The following UBN2 variants were observed in gnomAD, a reference collection of about 807,000 sequenced individuals.
The protein encoded by UBN2 is ubinuclein 2.
Under a neutral mutation model 120.2 loss-of-function variants are expected in UBN2, and 35 were observed. The observed-to-expected ratio is 0.29, with a 90% confidence interval of 0.22 to 0.39. The LOEUF (loss-of-function observed/expected upper bound fraction) is 0.39, where lower values mean the gene tolerates loss of function less well. Among genes scored for constraint, UBN2 ranks in the 10% least tolerant of loss-of-function variants. The pLI is 1.00. For synonymous variants in UBN2, 661 were observed against 648.7 expected, an observed-to-expected ratio of 1.02 and a Z score of -0.29; for missense variants, 1,693 against 1,663.2, an observed-to-expected ratio of 1.02 and a Z score of -0.31.
downstream of UBN2, among the ~76,000 whole-genome samples, chr7:139,311,353 G>C (rs1798444780): frequency 6.6e-6 from 1 of 152,164 alleles, no homozygotes; most frequent in African/African-American, 2.4e-5. Context: ...CTGTGTCTCT[G>C]TTGTCTCTGT....
At chr7:139,237,229 T>G (rs1796188761) in intron 2 of UBN2, 132 bp downstream of exon 2, 1 of 484,486 alleles carries the variant, frequency 2.1e-6, no homozygotes, top group Non-Finnish European at 3.8e-6. Context: ...ACCAAATGAA[T>G]GGTTAGACAG....
At chr7:139,241,186 A>G (rs979738927) in intron 2 of UBN2, among the ~76,000 whole-genome samples, 1 of 152,212 alleles carries the variant, frequency 6.6e-6, no homozygotes, top group Non-Finnish European at 1.5e-5. Context: ...TCTAGGACAT[A>G]GGATAACCTA....
At chr7:139,320,055 G>A in the UBN2 span, among the ~76,000 whole-genome samples, 2 of 150,156 alleles carry the variant, frequency 1.3e-5, no homozygotes, top group Admixed American at 1.3e-4. Context: ...CAGCCTGGGT[G>A]ACAGAGCGAG....
chr7:139,267,489 T>C (rs1477081153), intron 7 of UBN2, among the ~76,000 whole-genome samples: 4 of 151,128 alleles, frequency 2.6e-5, no homozygotes, highest in African/African-American at 9.8e-5. Flanking sequence ...TGAACTGTGT[T>C]CATGCCACTG....
At chr7:139,326,256 A>AAAACAAAC in the UBN2 span, among the ~76,000 whole-genome samples, 57 of 151,662 alleles carry the variant, frequency 3.8e-4, 1 homozygote, top group East Asian at 2.9e-3. Flanking sequence ...ACTCTGTCTC[A>AAAACAAAC]AAACAAACAA....
chr7:139,296,686 A>G (rs1798117925), intron 17 of UBN2, among the ~76,000 whole-genome samples: 1 of 152,186 alleles, frequency 6.6e-6, no homozygotes, highest in Non-Finnish European at 1.5e-5. Flanking sequence ...TAAATGAAGT[A>G]ATCAACATTT....
chr7:139,261,443 G>C lies in UBN2; in HGVS notation c.1097G>C (p.Gly366Ala). 1 of 1,614,190 alleles carries C rather than the reference G, an allele frequency of 6.2e-7. No individual in the cohort carries two copies. Among genetic ancestry groups the C allele is most frequent in the Non-Finnish European group, 8.5e-7 (1 of 1,180,032 alleles). ...NKPPCAAAALGNDVPDLNLSS... is the reference protein window; with the variant it reads ...NKPPCAAAALANDVPDLNLSS... ...CCCCCATGTGCTGCTGCAGCACTGG[G>C]GAATGACGTCCCGGACTTAAATCTG... is the stretch of plus-strand genomic sequence containing the variant. Residue 366 changes from glycine to alanine, a missense_variant, in exon 6 of 18, where the codon GGG becomes GCG. Transcript: ENST00000473989.
At position 139,304,767 on chromosome 7, in the gene UBN2, TGCTTTTTCCA is replaced by T. The variant is rs776490121; in HGVS notation, c.*6933_*6942del. 1.3e-4 allele frequency: 19 copies of T among 146,788 alleles called. No individual in the cohort carries two copies. Among genetic ancestry groups the T allele is most frequent in the Non-Finnish European group, 2.4e-4 (16 of 67,370 alleles). 9.1% of individuals were successfully genotyped at this position (146,788 alleles called of 1,614,324 possible). On this transcript the variant is annotated 3_prime_UTR_variant, in exon 18 of 18. Transcript: ENST00000473989. ...TGTAAGTCACTTTTTGGATTTTTGT[TGCTTTTTCCA>T]GATAAGGCCTTAGTAGCCTCTAAAT...
chr7:139,273,563 A>G (rs1383346905), intron 10 of UBN2, among the ~76,000 whole-genome samples, 153 bp downstream of exon 10: 1 of 152,240 alleles, frequency 6.6e-6, no homozygotes, highest in Non-Finnish European at 1.5e-5. Context: ...ATTGGGCTCT[A>G]ATATCCTCAG....
At chr7:139,328,837 A>G in the UBN2 span, among the ~76,000 whole-genome samples, 1 of 150,778 alleles carries the variant, frequency 6.6e-6, no homozygotes, top group African/African-American at 2.5e-5. Flanking sequence ...GCACTCCACA[A>G]CAGACTGAGA....
At chr7:139,324,563 A>AAAAG in the UBN2 span, among the ~76,000 whole-genome samples, 1 of 151,072 alleles carries the variant, frequency 6.6e-6, no homozygotes, top group Non-Finnish European at 1.5e-5. Flanking sequence ...CTCAAAAAAA[A>AAAAG]AAAAAAAAAA....
At position 139,235,615 on chromosome 7, in the gene UBN2, T is replaced by C. The variant is rs185561087; in HGVS notation, c.469-1390T>C. ...AGAGACGGGGTTTCACCATGTTGGC[T>C]AGCCTGGTCTTGAACTCTTGACCTC... On this transcript the variant is annotated intron_variant, in intron 1 of 17. Transcript: ENST00000473989. Among the ~76,000 whole-genome samples, 78 of 152,184 alleles carry C rather than the reference T, an allele frequency of 5.1e-4. 1 individual carries two copies. The East Asian group carries it at 0.01, about 20-fold the overall frequency.
At chr7:139,273,808 C>A in intron 10 of UBN2, 123 bp from the exon 11 acceptor site, 2 of 776,184 alleles carry the variant, frequency 2.6e-6, no homozygotes, top group Non-Finnish European at 3.8e-6. Context: ...GACTGTGGTG[C>A]AATGAATGAT....
intron 2 of UBN2, among the ~76,000 whole-genome samples, chr7:139,250,056 T>G (rs1796581357): frequency 6.6e-6 from 1 of 152,116 alleles, no homozygotes; most frequent in Middle Eastern, 3.4e-3. Flanking sequence ...AAAAATATCA[T>G]GGGACAGGGA....
At position 139,293,988 on chromosome 7, in the gene UBN2, A is replaced by C. The variant is rs771981221; in HGVS notation, c.3994+7A>C. 61 of 1,613,118 alleles carry C rather than the reference A, an allele frequency of 3.8e-5. No homozygotes were observed. The highest frequency in any genetic ancestry group is 5.1e-5 in the Non-Finnish European group (60 of 1,179,256). On this transcript the variant is annotated splice_region_variant and intron_variant, in intron 17 of 17. Transcript: ENST00000473989. ...TTACAGCAAGCATTTCACGGTGAGA[A>C]CGCCACCTCCTTCATCTCTTTCTTA...
At position 139,266,420 on chromosome 7, in the gene UBN2, A is replaced by T. The variant is rs1026273591; in HGVS notation, c.1466+17A>T. The T allele has an allele frequency of 1.2e-5, 12 of 976,612 alleles. No homozygotes were observed. The highest frequency in any genetic ancestry group is 2.5e-4 in the Middle Eastern group (1 of 4,048). The allele number at this position is 976,612 out of a possible 1,614,324, so 60.5% of individuals were successfully genotyped here. On this transcript the variant is annotated intron_variant, in intron 7 of 17. Transcript: ENST00000473989. Reference sequence around the variant, plus strand: ...TCTTCTGGAGTAAGTAATTTTCTTTAAAAAAAAAAACCTTAAGAATGATAC... The same window carrying T: ...TCTTCTGGAGTAAGTAATTTTCTTTTAAAAAAAAAACCTTAAGAATGATAC...
intron 3 of UBN2, among the ~76,000 whole-genome samples, chr7:139,254,518 T>G (rs1796708034): frequency 6.6e-6 from 1 of 152,224 alleles, no homozygotes; most frequent in Non-Finnish European, 1.5e-5. Flanking sequence ...TTAATTCAGT[T>G]TCTAATTTGC....
chr7:139,293,404 C>G lies in UBN2; in HGVS notation c.3842C>G (p.Ala1281Gly), dbSNP rs1482968825. 1 of 1,614,134 alleles carries G rather than the reference C, an allele frequency of 6.2e-7. No individual in the cohort carries two copies. Among genetic ancestry groups the G allele is most frequent in the Non-Finnish European group, 8.5e-7 (1 of 1,180,000 alleles). Residue 1281 changes from alanine to glycine, a missense_variant, in exon 16 of 18, where the codon GCT (alanine) becomes GGT (glycine). Transcript: ENST00000473989. ...LEIFGFGTDT[A>G]GVTTTSGSTS... Reference sequence around the variant, plus strand: ...ATATTTGGCTTTGGAACGGACACAGCTGGAGTGACAACCACCTCGGGATCT... The same window carrying G: ...ATATTTGGCTTTGGAACGGACACAGGTGGAGTGACAACCACCTCGGGATCT...
At chr7:139,271,652 A>G (rs1372382959) in intron 8 of UBN2, among the ~76,000 whole-genome samples, 1 of 152,204 alleles carries the variant, frequency 6.6e-6, no homozygotes, top group Admixed American at 6.5e-5. Flanking sequence ...TGATGGTGAT[A>G]AAAGTATGTT....
Sources: gnomAD v4.1 joint callset for allele counts (sites outside exome capture counted in the v4.1 genomes callset) on GRCh38, gnomAD v4.1.1 for gene constraint, MANE v1.5 for transcripts, NCBI Gene and HGNC (gene_info 2026-07-23, HGNC 2026-07-21) for gene names.